SUPT3H: variants seen among roughly 807,000 people sequenced by gnomAD.
SUPT3H encodes the protein SPT3 homolog, SAGA and STAGA complex component, also known as transcription initiation protein SPT3 homolog.
A neutral mutation model predicts 44.3 loss-of-function variants in SUPT3H; 44 were observed. That is an observed-to-expected ratio of 0.99 (90% CI 0.78 to 1.28). SUPT3H has a LOEUF of 1.28. Ranked by LOEUF, SUPT3H falls within the 50% of genes most tolerant of loss-of-function variation. The pLI, the probability that SUPT3H is intolerant of heterozygous loss-of-function variation, is 0.00. For missense variants in SUPT3H, 380 were observed against 387.1 expected, an observed-to-expected ratio of 0.98 and a Z score of 0.15; for synonymous variants, 124 against 125.6, an observed-to-expected ratio of 0.99 and a Z score of 0.09.
intron 2 of SUPT3H, among the ~76,000 whole-genome samples, chr6:45,206,080 T>G (rs1301860453): frequency 6.6e-6 from 1 of 152,240 alleles, no homozygotes; most frequent in Non-Finnish European, 1.5e-5. Flanking sequence ...ATGCAGTATG[T>G]AAGACTCATT....
intron 9 of SUPT3H, among the ~76,000 whole-genome samples, chr6:44,943,922 G>A (rs1429906228): frequency 1.3e-5 from 2 of 151,926 alleles, no homozygotes; most frequent in African/African-American, 4.8e-5. Context: ...AATGATACAA[G>A]AAAACTCTAA....
chr6:45,247,364 T>G (rs934934193), intron 2 of SUPT3H, among the ~76,000 whole-genome samples: 2 of 152,216 alleles, frequency 1.3e-5, no homozygotes, highest in African/African-American at 4.8e-5. Context: ...TTATTTTGCC[T>G]GTTTTGGGCA....
chr6:45,088,705 G>C (rs368439435), intron 3 of SUPT3H, among the ~76,000 whole-genome samples: 1 of 151,946 alleles, frequency 6.6e-6, no homozygotes, highest in Non-Finnish European at 1.5e-5. Flanking sequence ...GTCACATCTA[G>C]AACAGTGATT....
chr6:45,369,013 AAAATT>A (rs1795611943), intron 1 of SUPT3H, among the ~76,000 whole-genome samples: 1 of 152,118 alleles, frequency 6.6e-6, no homozygotes, highest in African/African-American at 2.4e-5. Context: ...AAAAAAATTA[AAAATT>A]AAATACATAA....
At chr6:45,157,514 T>C (rs941996012) in intron 2 of SUPT3H, among the ~76,000 whole-genome samples, 1 of 151,508 alleles carries the variant, frequency 6.6e-6, no homozygotes, top group Non-Finnish European at 1.5e-5. Flanking sequence ...TGTATATATA[T>C]GATGCCTATG....
intron 2 of SUPT3H, among the ~76,000 whole-genome samples, chr6:45,352,059 C>T (rs1471746005): frequency 6.6e-6 from 1 of 152,126 alleles, no homozygotes; most frequent in Admixed American, 6.6e-5. Context: ...TTGCCTGCTT[C>T]CTTAAAATGA....
At chr6:44,847,958 CT>C (rs969869912) in intron 10 of SUPT3H, among the ~76,000 whole-genome samples, 1,295 of 58,322 alleles carry the variant, frequency 0.022, 2 homozygotes, top group Non-Finnish European at 0.032. Context: ...ATCTCTGTGT[CT>C]TTTTTTTTTT....
chr6:45,251,245 T>C (rs1400120951), intron 2 of SUPT3H: 1 of 152,236 alleles, frequency 6.6e-6, no homozygotes, highest in Non-Finnish European at 1.5e-5. Context: ...CAGAGATGTA[T>C]GTGTATGTAT....
chr6:45,195,889 G>A (rs1294526843), intron 2 of SUPT3H, among the ~76,000 whole-genome samples: 2 of 152,028 alleles, frequency 1.3e-5, no homozygotes, highest in African/African-American at 2.4e-5. Context: ...TTCTGATCCC[G>A]GGCAAGTTAC....
At chr6:45,218,332 A>G (rs1023461494) in intron 2 of SUPT3H, among the ~76,000 whole-genome samples, 1 of 152,162 alleles carries the variant, frequency 6.6e-6, no homozygotes, top group Non-Finnish European at 1.5e-5. Context: ...ACAACCAAAA[A>G]CAGAGTCTCG....
Position 45,338,429 on chromosome 6 carries a change from C to G in SUPT3H, c.101+26772G>C, listed in dbSNP as rs1257508670. 2.0e-5 allele frequency among the ~76,000 whole-genome samples: 3 copies of G among 151,816 alleles called. No individual in the cohort carries two copies. In the East Asian group the frequency reaches 5.8e-4, roughly 29 times the overall value. On this transcript the variant is annotated intron_variant, in intron 2 of 10. Transcript: ENST00000371459. ...ATAAAACTGGTATCATTTCTGATTA[C>G]TTCAAATGATCACATATAAGCTTAT...
chr6:44,934,533 A>G (rs1771108629), intron 9 of SUPT3H, among the ~76,000 whole-genome samples: 1 of 152,188 alleles, frequency 6.6e-6, no homozygotes, highest in Admixed American at 6.5e-5. Context: ...GTGTTCCCCT[A>G]AAATTTGTAC....
chr6:45,278,516 C>G (rs990965656), intron 2 of SUPT3H, among the ~76,000 whole-genome samples: 1 of 152,138 alleles, frequency 6.6e-6, no homozygotes, highest in Non-Finnish European at 1.5e-5. Flanking sequence ...CCCACTATGA[C>G]TAAAACAAAA....
chr6:45,280,838 A>G (rs1468958926), intron 2 of SUPT3H, among the ~76,000 whole-genome samples: 1 of 104,982 alleles, frequency 9.5e-6, no homozygotes, highest in African/African-American at 6.5e-5. Flanking sequence ...AAAATATAAC[A>G]TGTTCTATAA....
intron 2 of SUPT3H, among the ~76,000 whole-genome samples, chr6:45,142,736 CAAAAAAAAAAAA>C (rs70993502): frequency 2.3e-3 from 34 of 14,968 alleles, no homozygotes; most frequent in Admixed American, 0.017. Context: ...AACTCCGTCT[CAAAAAAAAAAAA>C]AAAAAAAAAA....
At chr6:45,312,680 TG>T (rs1218527172) in intron 2 of SUPT3H, among the ~76,000 whole-genome samples, 1 of 6,620 alleles carries the variant, frequency 1.5e-4, no homozygotes, top group Non-Finnish European at 2.6e-4. Flanking sequence ...AACACAATAA[TG>T]TGGGGGGGGG....
At chr6:45,309,216 A>C (rs1208387330) in intron 2 of SUPT3H, among the ~76,000 whole-genome samples, 3 of 151,840 alleles carry the variant, frequency 2.0e-5, no homozygotes, top group Non-Finnish European at 4.4e-5. Context: ...AGAAATGAAG[A>C]TAAACTGCCT....
At chr6:45,332,981 C>G (rs1205189104) in intron 2 of SUPT3H, among the ~76,000 whole-genome samples, 1 of 151,552 alleles carries the variant, frequency 6.6e-6, no homozygotes, top group African/African-American at 2.4e-5. Context: ...CCTCACCCCC[C>G]AAAAAATCAT....
intron 9 of SUPT3H, among the ~76,000 whole-genome samples, chr6:44,936,717 G>A (rs1031858328): frequency 6.6e-6 from 1 of 152,088 alleles, no homozygotes; most frequent in African/African-American, 2.4e-5. Context: ...CCCCGGGCTG[G>A]AGTACAGTGG....
Sources: gnomAD v4.1 joint callset for allele counts (sites outside exome capture counted in the v4.1 genomes callset) on GRCh38, gnomAD v4.1.1 for gene constraint, MANE v1.5 for transcripts, NCBI Gene and HGNC (gene_info 2026-07-23, HGNC 2026-07-21) for gene names.